Variants in CCSER1 observed in about 807,000 individuals in gnomAD.
CCSER1 encodes serine-rich coiled-coil domain-containing protein 1.
Under a neutral mutation model 82.0 loss-of-function variants are expected in CCSER1, and 41 were observed. That is an observed-to-expected ratio of 0.50 (90% CI 0.39 to 0.65). The LOEUF (loss-of-function observed/expected upper bound fraction) is 0.65. Ranked by LOEUF, CCSER1 falls within the 30% of genes least tolerant of loss-of-function variation. The pLI is 0.00. For missense variants in CCSER1, 1,119 were observed against 1,064.2 expected (o/e 1.05, Z -0.72); for synonymous variants, 414 against 383.9 (o/e 1.08, Z -0.92).
At chr4:90,595,612 G>A (rs965614135) in intron 5 of CCSER1, among the ~76,000 whole-genome samples, 2 of 151,828 alleles carry the variant, frequency 1.3e-5, no homozygotes, top group African/African-American at 4.8e-5. Flanking sequence ...TGTGAACAAC[G>A]TGGTGAAATT....
chr4:91,081,590 G>T (rs576618589), intron 9 of CCSER1, among the ~76,000 whole-genome samples: 1 of 149,430 alleles, frequency 6.7e-6, no homozygotes, highest in Non-Finnish European at 1.5e-5. Flanking sequence ...AAGAAATAAA[G>T]GGTATTCAAT....
intron 3 of CCSER1, among the ~76,000 whole-genome samples, chr4:90,340,748 C>T (rs915018522): frequency 3.3e-5 from 5 of 152,026 alleles, no homozygotes; most frequent in African/African-American, 1.2e-4. Context: ...GTTTACAAGT[C>T]TTTGAAATGC....
chr4:90,269,473 T>C (rs1725855610), intron 1 of CCSER1, among the ~76,000 whole-genome samples: 1 of 151,896 alleles, frequency 6.6e-6, no homozygotes, highest in African/African-American at 2.4e-5. Flanking sequence ...AACTGAAAAA[T>C]TTCTTGAAAC....
At chr4:90,424,388 A>G (rs1757238380) in intron 4 of CCSER1, among the ~76,000 whole-genome samples, 1 of 152,126 alleles carries the variant, frequency 6.6e-6, no homozygotes, top group South Asian at 2.1e-4. Flanking sequence ...TAATAGAATC[A>G]TGTTTGCTTT....
At chr4:91,140,216 TA>T (rs1728895605) in intron 10 of CCSER1, among the ~76,000 whole-genome samples, 1 of 151,880 alleles carries the variant, frequency 6.6e-6, no homozygotes, top group African/African-American at 2.4e-5. Flanking sequence ...TTATATTTGG[TA>T]ATATAGTATA....
intron 3 of CCSER1, among the ~76,000 whole-genome samples, chr4:90,324,141 T>C (rs908516627): frequency 3.3e-5 from 5 of 152,332 alleles, no homozygotes; most frequent in African/African-American, 9.6e-5. Context: ...CGTGTGCATG[T>C]GTCTTTATAG....
chr4:90,611,019 A>T (rs1785401863), intron 5 of CCSER1, among the ~76,000 whole-genome samples: 1 of 148,548 alleles, frequency 6.7e-6, no homozygotes, highest in Admixed American at 6.7e-5. Context: ...CTGGGTTTAC[A>T]GGCGCCCGCC....
chr4:91,188,074 G>A (rs1457584410), intron 10 of CCSER1, among the ~76,000 whole-genome samples: 1 of 151,548 alleles, frequency 6.6e-6, no homozygotes, highest in East Asian at 1.9e-4. Context: ...GCTTTAAAAA[G>A]GAACAATTAT....
intron 8 of CCSER1, among the ~76,000 whole-genome samples, chr4:90,912,670 T>G (rs900560305): frequency 3.3e-5 from 5 of 152,108 alleles, no homozygotes; most frequent in African/African-American, 1.2e-4. Context: ...GAAGAAGGCT[T>G]CAGAGGATCA....
intron 3 of CCSER1, among the ~76,000 whole-genome samples, chr4:90,376,239 T>C (rs1748292405): frequency 6.6e-6 from 1 of 152,192 alleles, no homozygotes; most frequent in South Asian, 2.1e-4. Flanking sequence ...TCATTATTAT[T>C]GCACACCCTA....
chr4:91,554,452 T>A (rs1378480132), intron 10 of CCSER1, among the ~76,000 whole-genome samples: 1 of 151,088 alleles, frequency 6.6e-6, no homozygotes, highest in Non-Finnish European at 1.5e-5. Context: ...ACATACACAA[T>A]AGCACAAAAA....
At chr4:90,521,460 T>C (rs961034315) in intron 5 of CCSER1, among the ~76,000 whole-genome samples, 1 of 152,146 alleles carries the variant, frequency 6.6e-6, no homozygotes, top group Non-Finnish European at 1.5e-5. Flanking sequence ...ACCTGCATTT[T>C]CACCCTTGTC....
intron 5 of CCSER1, among the ~76,000 whole-genome samples, chr4:90,483,684 A>G (rs1389586271): frequency 6.6e-6 from 1 of 152,188 alleles, no homozygotes; most frequent in Admixed American, 6.5e-5. Flanking sequence ...TTTCTTTAAG[A>G]ATGTTGAATA....
intron 1 of CCSER1, among the ~76,000 whole-genome samples, chr4:90,270,280 A>C (rs563934808): frequency 6.6e-6 from 1 of 152,204 alleles, no homozygotes; most frequent in African/African-American, 2.4e-5. Flanking sequence ...ATACTAGCAA[A>C]CTGAATTCAG....
intron 9 of CCSER1, among the ~76,000 whole-genome samples, chr4:91,013,863 C>T (rs1375500389): frequency 1.5e-5 from 2 of 129,666 alleles, no homozygotes; most frequent in African/African-American, 5.1e-5. Context: ...CCTCGTGATC[C>T]GCCTCTCTTA....
At chr4:90,641,933 C>A in intron 6 of CCSER1, 1 of 340,830 alleles carries the variant, frequency 2.9e-6, no homozygotes, top group Non-Finnish European at 6.6e-6. Flanking sequence ...GCATGTCTAA[C>A]TTTCAGTTTT....
At chr4:90,589,365 A>T (rs1480559195) in intron 5 of CCSER1, among the ~76,000 whole-genome samples, 2 of 152,002 alleles carry the variant, frequency 1.3e-5, no homozygotes, top group African/African-American at 4.8e-5. Flanking sequence ...TTTAATTTAT[A>T]GATTTATTTG....
rs183291266 is a variant in CCSER1 at position 90,356,170 on chromosome 4, A to T, written c.1509+43123A>T. On this transcript the variant is annotated intron_variant, in intron 3 of 10. Transcript: ENST00000509176. The stretch of plus-strand genomic sequence containing the variant: ...TTGCCCAACTTACAGTATATCAAAC[A>T]CACTATATATATCTATTCTGTGTTT... Among the ~76,000 whole-genome samples the T allele has an allele frequency of 5.3e-4, 81 of 152,004 alleles. 2 individuals are homozygous for T. In the East Asian group the frequency reaches 0.015, roughly 29 times the overall value.
intron 1 of CCSER1, among the ~76,000 whole-genome samples, chr4:90,155,616 A>G (rs1325911456): frequency 1.3e-5 from 2 of 152,144 alleles, no homozygotes; most frequent in Non-Finnish European, 1.5e-5. Context: ...GGGAGGGTGT[A>G]TGTGTCAAGG....
Sources: allele counts gnomAD v4.1 joint callset (sites outside exome capture counted in the v4.1 genomes callset), GRCh38; gene constraint gnomAD v4.1.1; transcripts MANE v1.5; gene names NCBI Gene and HGNC (gene_info 2026-07-23, HGNC 2026-07-21).